The following EVC variants were observed in gnomAD, a reference collection of about 807,000 sequenced individuals.
The protein encoded by EVC is evC complex member EVC.
EVC carries 116 observed loss-of-function variants against 118.9 expected under a neutral mutation model. The observed-to-expected ratio is 0.98, with a 90% CI of 0.84 to 1.14. The LOEUF is 1.14. Among genes scored for constraint, EVC ranks in the 50% most tolerant of loss-of-function variants. The pLI is 0.00. For synonymous variants in EVC, 619 were observed against 534.7 expected (o/e 1.16, Z -2.18); for missense variants, 1,401 against 1,246.4 (o/e 1.12, Z -1.87).
rs753632197 is a variant in EVC, at chr4:5,752,822, G to A, written c.1099-14G>A. 1 of 1,613,922 alleles carries A rather than the reference G, an allele frequency of 6.2e-7. No individual in the cohort carries two copies. Among genetic ancestry groups the A allele is most frequent in the East Asian group, 2.2e-5 (1 of 44,884 alleles). On this transcript the variant is annotated splice_polypyrimidine_tract_variant and intron_variant, in intron 8 of 20. Transcript: ENST00000264956. ...GGACACCCCAGCTATGGTCCTGTGT[G>A]TTTCTTTTTGCAGGACGCCCTGGAG...
intron 5 of EVC, among the ~76,000 whole-genome samples, chr4:5,740,846 T>A (rs1577392000): frequency 6.6e-6 from 1 of 152,204 alleles, no homozygotes; most frequent in Non-Finnish European, 1.5e-5. Flanking sequence ...GTGTTCAATG[T>A]CATTAAGCCA....
chr4:5,804,920 C>T, intron 17 of EVC, 79 bp downstream of exon 17: 3 of 1,286,716 alleles, frequency 2.3e-6, no homozygotes, highest in Non-Finnish European at 3.3e-6. Flanking sequence ...GTGCCGTCAG[C>T]AGGTGCCGTC....
chr4:5,725,027 C>G (rs1246626578), intron 2 of EVC, among the ~76,000 whole-genome samples: 4 of 152,176 alleles, frequency 2.6e-5, no homozygotes, highest in Admixed American at 2.0e-4. Context: ...GCTTCCAGCT[C>G]CATCTATGCC....
chr4:5,751,473 T>G (rs533068253), intron 8 of EVC, among the ~76,000 whole-genome samples: 1 of 152,358 alleles, frequency 6.6e-6, no homozygotes, highest in East Asian at 1.9e-4. Flanking sequence ...CACCTCCGCT[T>G]ATCCTCTTGC....
intron 8 of EVC, among the ~76,000 whole-genome samples, chr4:5,751,558 G>C (rs1414286943): frequency 1.3e-5 from 2 of 152,250 alleles, no homozygotes; most frequent in Non-Finnish European, 2.9e-5. Context: ...TCTTGCCCTA[G>C]TCTTGTGTTG....
intron 12 of EVC, among the ~76,000 whole-genome samples, chr4:5,786,390 GTTTAC>G (rs1711592312): frequency 6.6e-6 from 1 of 152,116 alleles, no homozygotes; most frequent in African/African-American, 2.4e-5. Context: ...TGTTTTATTT[GTTTAC>G]TTTGTGAGCA....
chr4:5,790,748 G>A (rs1179236327), intron 12 of EVC, among the ~76,000 whole-genome samples: 3 of 152,118 alleles, frequency 2.0e-5, no homozygotes, highest in Non-Finnish European at 2.9e-5. Flanking sequence ...CTAAAAACAA[G>A]ACACTGTGAA....
At chr4:5,745,989 C>T (rs747118623) in intron 7 of EVC, among the ~76,000 whole-genome samples, 1 of 152,140 alleles carries the variant, frequency 6.6e-6, no homozygotes, top group Non-Finnish European at 1.5e-5. Context: ...GTTCATTTTA[C>T]CCCAGGCTTA....
rs539206285 is a variant in EVC, at chr4:5,789,856, A to G, written c.1777-3752A>G. ...AAACACGCAGCAAAGACCCCTATAT[A>G]CTTTAGTGGCAATGCAGACTCACCT... is the stretch of plus-strand genomic sequence containing the variant. On this transcript the variant is annotated intron_variant, in intron 12 of 20. Coordinates refer to ENST00000264956, the MANE Select transcript of EVC (RefSeq NM_153717.3). This position sits in a 1 kb window ranked among gnomAD's most constrained non-coding sequence, Gnocchi z 4.3. Among the ~76,000 whole-genome samples, 5 of 152,158 alleles carry G rather than the reference A, an allele frequency of 3.3e-5. No homozygotes were observed. In the East Asian group the frequency reaches 9.7e-4, roughly 29 times the overall value.
downstream of EVC, among the ~76,000 whole-genome samples, chr4:5,818,562 A>C (rs2152418218): frequency 6.6e-6 from 1 of 152,326 alleles, no homozygotes; most frequent in Non-Finnish European, 1.5e-5. Context: ...GGATTAATTC[A>C]TTCATAGATT....
Position 5,756,505 on chromosome 4 carries a change from C to A in EVC, c.1563+143C>A, listed in dbSNP as rs1461066235. On this transcript the variant is annotated intron_variant, in intron 11 of 20. Transcript: ENST00000264956. This position sits in a 1 kb window ranked among gnomAD's most constrained non-coding sequence, Gnocchi z 4.2. ...GGCCGGTGATCCACGCAGGCTGTGT[C>A]CCCTCCATGCGATCCTCCTTGCCCA... The A allele has an allele frequency of 1.4e-6, 1 of 722,186 alleles. No homozygotes were observed. The highest frequency in any genetic ancestry group is 2.7e-5 in the East Asian group (1 of 36,946). The allele number at this position is 722,186 out of a possible 1,614,324, so 44.7% of individuals were successfully genotyped here.
At chr4:5,757,344 G>A (rs1731322536) in intron 11 of EVC, among the ~76,000 whole-genome samples, 1 of 152,178 alleles carries the variant, frequency 6.6e-6, no homozygotes, top group African/African-American at 2.4e-5. Context: ...AGTGGACAAG[G>A]AGTCAGCGGG....
the EVC span, among the ~76,000 whole-genome samples, chr4:5,822,581 G>A: frequency 6.6e-6 from 1 of 151,904 alleles, no homozygotes; most frequent in South Asian, 2.1e-4. Context: ...CTTGCATAAA[G>A]ATGTAAAATT....
At chr4:5,792,957 G>A (rs1713069554) in intron 12 of EVC, among the ~76,000 whole-genome samples, 2 of 152,136 alleles carry the variant, frequency 1.3e-5, no homozygotes, top group Admixed American at 1.3e-4. Context: ...TCCAAAGATG[G>A]CGATTCTCTC....
In EVC at chr4:5,749,341, G is replaced by GGAA. The variant is rs778335798; in HGVS notation, c.1098+1035_1098+1036insGAA. On this transcript the variant is annotated intron_variant, in intron 8 of 20. Coordinates refer to ENST00000264956, the MANE Select transcript of EVC (RefSeq NM_153717.3). The surrounding 1 kb of genome is among the most constrained non-coding windows in gnomAD (Gnocchi z 4.4). ...TAACACTAACGATAGCTGATGAGCG[G>GGAA]AAAAAAAAAAAAAAAAAAAGGTCCC... 0.012 allele frequency among the ~76,000 whole-genome samples: 1,408 copies of GGAA among 121,832 alleles called. 44 individuals are homozygous for GGAA. The highest frequency in any genetic ancestry group is 0.037 in the African/African-American group (1,168 of 31,294). The allele number at this position is 121,832 out of a possible 152,430, so 79.9% of individuals were successfully genotyped here.
intron 5 of EVC, among the ~76,000 whole-genome samples, chr4:5,741,128 C>G (rs1454400443): frequency 6.6e-6 from 1 of 152,222 alleles, no homozygotes; most frequent in Non-Finnish European, 1.5e-5. Flanking sequence ...TACGTTCACA[C>G]AAATGTTCAC....
downstream of EVC, among the ~76,000 whole-genome samples, chr4:5,817,811 A>G (rs947664202): frequency 6.6e-6 from 1 of 152,174 alleles, no homozygotes; most frequent in Non-Finnish European, 1.5e-5. Flanking sequence ...TCCACTGTCT[A>G]TGATCAAGGT....
chr4:5,749,954 A>G lies in EVC; in HGVS notation c.1098+1648A>G, dbSNP rs1239691538. On this transcript the variant is annotated intron_variant, in intron 8 of 20. Transcript: ENST00000264956. This position sits in a 1 kb window ranked among gnomAD's most constrained non-coding sequence, Gnocchi z 4.4. The stretch of plus-strand genomic sequence containing the variant: ...GTTAGAGTGCAGAATCCTGTCCTCC[A>G]CCCTTCCCAAGCAGGATCTGCACTT... 6.6e-6 allele frequency among the ~76,000 whole-genome samples: 1 copy of G among 152,008 alleles called. No homozygotes were observed. The highest frequency in any genetic ancestry group is 1.5e-5 in the Non-Finnish European group (1 of 68,004).
intron 6 of EVC, among the ~76,000 whole-genome samples, chr4:5,744,879 C>G (rs1361491556): frequency 6.6e-6 from 1 of 152,068 alleles, no homozygotes; most frequent in Non-Finnish European, 1.5e-5. Flanking sequence ...AAGAAACATT[C>G]CTTCCCAACC....
Sources: allele counts gnomAD v4.1 joint callset (sites outside exome capture counted in the v4.1 genomes callset), GRCh38; gene constraint gnomAD v4.1.1; non-coding constraint Gnocchi (gnomAD v3.1); transcripts MANE v1.5; gene names NCBI Gene and HGNC (gene_info 2026-07-23, HGNC 2026-07-21).